CNTNAP5: variants seen among roughly 807,000 people sequenced by gnomAD.
CNTNAP5 encodes the protein contactin-associated protein-like 5.
Under a neutral mutation model 150.2 loss-of-function variants are expected in CNTNAP5, and 72 were observed. That is an observed-to-expected ratio of 0.48 (90% CI 0.40 to 0.58). The LOEUF is 0.58. Ranked by LOEUF, CNTNAP5 falls within the 20% of genes least tolerant of loss-of-function variation. The pLI is 0.00. For missense variants in CNTNAP5, 1,636 were observed against 1,626.2 expected (o/e 1.01, Z -0.10); for synonymous variants, 672 against 619.8 (o/e 1.08, Z -1.25).
intron 3 of CNTNAP5, among the ~76,000 whole-genome samples, chr2:124,324,295 C>G (rs1318417743): frequency 1.3e-5 from 2 of 152,162 alleles, no homozygotes; most frequent in Non-Finnish European, 1.5e-5. Context: ...GACACAGACA[C>G]AGAAGGAGTT....
chr2:124,874,916 C>T (rs1677822877), intron 21 of CNTNAP5, among the ~76,000 whole-genome samples: 1 of 151,988 alleles, frequency 6.6e-6, no homozygotes, highest in Non-Finnish European at 1.5e-5. Context: ...TTCTTCTGCT[C>T]CAATGGCTGT....
intron 3 of CNTNAP5, among the ~76,000 whole-genome samples, chr2:124,398,501 T>TTTATTTATTTAC (rs1464352393): frequency 1.3e-5 from 2 of 151,794 alleles, no homozygotes; most frequent in Non-Finnish European, 2.9e-5. Context: ...TATTTATTTA[T>TTTATTTATTTAC]TTATTTATTT....
intron 21 of CNTNAP5, among the ~76,000 whole-genome samples, chr2:124,883,883 T>G (rs541496820): frequency 2.3e-4 from 35 of 152,268 alleles, no homozygotes; most frequent in African/African-American, 8.2e-4. Context: ...TATATACATA[T>G]GTCTGTGTGT....
intron 3 of CNTNAP5, among the ~76,000 whole-genome samples, chr2:124,414,871 T>A (rs1429887150): frequency 2.0e-5 from 3 of 151,796 alleles, no homozygotes; most frequent in African/African-American, 7.3e-5. Flanking sequence ...CCTGGGGAGG[T>A]GGGATATGGT....
intron 3 of CNTNAP5, among the ~76,000 whole-genome samples, chr2:124,401,029 G>A (rs1380500516): frequency 4.6e-5 from 7 of 151,950 alleles, no homozygotes; most frequent in Non-Finnish European, 7.4e-5. Context: ...GTGCCACCAC[G>A]CTAATTTTTG....
At chr2:124,881,253 G>A (rs752682672) in intron 21 of CNTNAP5, among the ~76,000 whole-genome samples, 2 of 152,124 alleles carry the variant, frequency 1.3e-5, no homozygotes, top group Non-Finnish European at 2.9e-5. Context: ...CTATGCTAAT[G>A]CCTAACCTTT....
At chr2:124,282,263 C>T (rs1688032627) in intron 3 of CNTNAP5, among the ~76,000 whole-genome samples, 1 of 152,078 alleles carries the variant, frequency 6.6e-6, no homozygotes, top group Non-Finnish European at 1.5e-5. Flanking sequence ...CAACAAACCT[C>T]GGTATACTTA....
intron 10 of CNTNAP5, among the ~76,000 whole-genome samples, chr2:124,536,836 G>A (rs1272183099): frequency 1.3e-5 from 2 of 152,140 alleles, no homozygotes; most frequent in East Asian, 3.9e-4. Context: ...GGGAAGGGCT[G>A]CAGTGCTGAA....
At chr2:124,721,034 G>C (rs1238370753) in intron 13 of CNTNAP5, among the ~76,000 whole-genome samples, 1 of 152,078 alleles carries the variant, frequency 6.6e-6, no homozygotes, top group Admixed American at 6.6e-5. Context: ...CCTGAAGTGT[G>C]GAAAGGGCAA....
chr2:124,147,378 T>A (rs1182616850), intron 1 of CNTNAP5, among the ~76,000 whole-genome samples: 1 of 152,198 alleles, frequency 6.6e-6, no homozygotes, highest in Non-Finnish European at 1.5e-5. Context: ...ACATTAATAT[T>A]TCTGCAGGGA....
intron 1 of CNTNAP5, among the ~76,000 whole-genome samples, chr2:124,174,670 G>A (rs1685019114): frequency 6.6e-6 from 1 of 152,172 alleles, no homozygotes; most frequent in Admixed American, 6.5e-5. Flanking sequence ...TCCACTCCTG[G>A]TGAAGAGGCT....
chr2:124,213,408 T>C (rs1181882070), intron 1 of CNTNAP5, among the ~76,000 whole-genome samples: 1 of 152,144 alleles, frequency 6.6e-6, no homozygotes, highest in Non-Finnish European at 1.5e-5. Context: ...AGTGGAAAAC[T>C]GAGAGATCAT....
intron 19 of CNTNAP5, among the ~76,000 whole-genome samples, chr2:124,839,380 C>T (rs567702179): frequency 6.6e-6 from 1 of 152,058 alleles, no homozygotes; most frequent in Admixed American, 6.6e-5. Context: ...GCCTTAACGC[C>T]TCAATGCACA....
chr2:124,335,427 T>C (rs1166061474), intron 3 of CNTNAP5, among the ~76,000 whole-genome samples: 1 of 151,662 alleles, frequency 6.6e-6, no homozygotes, highest in African/African-American at 2.4e-5. Context: ...AGGAGGAAGA[T>C]TCCCACCTGG....
chr2:124,551,516 G>T (rs10185849), intron 10 of CNTNAP5, among the ~76,000 whole-genome samples: 1 of 152,010 alleles, frequency 6.6e-6, no homozygotes, highest in African/African-American at 2.4e-5. Flanking sequence ...ACAAAGGAAC[G>T]CAACCTAGCT....
At chr2:124,095,173 G>GA (rs1682904894) in intron 1 of CNTNAP5, among the ~76,000 whole-genome samples, 2 of 152,248 alleles carry the variant, frequency 1.3e-5, no homozygotes, top group East Asian at 3.9e-4. Context: ...CATGAAAAAG[G>GA]ATGAGTTCAT....
Position 124,375,522 on chromosome 2 carries a change from A to C in CNTNAP5, c.382-41921A>C, listed in dbSNP as rs867849195. Among the ~76,000 whole-genome samples, 14 of 152,292 alleles carry C rather than the reference A, an allele frequency of 9.2e-5. 1 individual carries two copies. The highest frequency in any genetic ancestry group is 8.3e-4 in the South Asian group (4 of 4,822). On this transcript the variant is annotated intron_variant, in intron 3 of 23. Coordinates refer to ENST00000682447, the MANE Select transcript of CNTNAP5 (RefSeq NM_001367498.1). ...AAAGAAAGACTGACAAGACTGTCAC[A>C]GATTGGAGGCCACATGGTAATTAAT...
chr2:124,505,447 A>G (rs1694381047), intron 8 of CNTNAP5, among the ~76,000 whole-genome samples: 1 of 152,130 alleles, frequency 6.6e-6, no homozygotes, highest in Admixed American at 6.5e-5. Flanking sequence ...ATTTAAAACC[A>G]TTTAAAAAAT....
At chr2:124,245,173 C>A (rs879523159) in intron 3 of CNTNAP5, among the ~76,000 whole-genome samples, 2 of 152,024 alleles carry the variant, frequency 1.3e-5, no homozygotes, top group Non-Finnish European at 2.9e-5. Context: ...TGTGAAGATA[C>A]CAATAATACC....
Sources: gnomAD v4.1 joint callset for allele counts (sites outside exome capture counted in the v4.1 genomes callset) on GRCh38, gnomAD v4.1.1 for gene constraint, MANE v1.5 for transcripts, NCBI Gene and HGNC (gene_info 2026-07-23, HGNC 2026-07-21) for gene names.